HYDIN: variants seen among roughly 807,000 people sequenced by gnomAD.
HYDIN encodes the protein HYDIN axonemal central pair apparatus protein, also known as axonemal central pair apparatus protein HYDIN.
In HYDIN, 132 loss-of-function variants were observed where a neutral mutation model predicts 403.9. The ratio of observed to expected loss-of-function variants is 0.33; its 90% CI spans 0.28 to 0.38. The LOEUF (loss-of-function observed/expected upper bound fraction) is 0.38. HYDIN is among the 10% of genes least tolerant of loss of function. The pLI is 1.00. For synonymous variants in HYDIN, 1,202 were observed against 1,891.7 expected (o/e 0.64, Z 9.46); for missense variants, 2,827 against 5,009.5 (o/e 0.56, Z 13.15).
intron 5 of HYDIN, among the ~76,000 whole-genome samples, chr16:71,167,254 T>C (rs528400972): frequency 6.6e-6 from 1 of 151,980 alleles, no homozygotes; most frequent in African/African-American, 2.4e-5. Flanking sequence ...AAACCCCACA[T>C]AATTCAACAA....
chr16:70,990,274 A>G (rs1431281858), intron 25 of HYDIN, among the ~76,000 whole-genome samples: 1 of 144,686 alleles, frequency 6.9e-6, no homozygotes, highest in Non-Finnish European at 1.5e-5. Flanking sequence ...AAGTGCCTGT[A>G]ATCCCAGCTA....
At chr16:71,093,005 C>A (rs1337233412) in intron 11 of HYDIN, among the ~76,000 whole-genome samples, 21 of 132,668 alleles carry the variant, frequency 1.6e-4, no homozygotes, top group Non-Finnish European at 3.1e-4. Flanking sequence ...GCCTAACTTT[C>A]ACAATTTGGT....
In HYDIN at chr16:70,886,257, A is replaced by G. The variant is rs550844572; in HGVS notation, c.9775-2133T>C. The stretch of plus-strand genomic sequence containing the variant: ...TGTACATGCACCTCAGTTATAGTAC[A>G]CGCACCTCAATTATAGTATTTACCA... On this transcript the variant is annotated intron_variant, in intron 58 of 85. Transcript: ENST00000393567. 2.0e-5 allele frequency among the ~76,000 whole-genome samples: 3 copies of G among 151,772 alleles called. No individual in the cohort carries two copies. In the South Asian group the frequency reaches 6.2e-4, roughly 32 times the overall value.
intron 69 of HYDIN, among the ~76,000 whole-genome samples, chr16:70,861,541 T>TCCA (rs995212477): frequency 8.8e-5 from 13 of 146,966 alleles, no homozygotes; most frequent in Admixed American, 3.4e-4. Context: ...GTCCACCAAC[T>TCCA]CCACCACCAC....
chr16:71,124,155 C>T (rs1433756211), intron 9 of HYDIN, among the ~76,000 whole-genome samples: 1 of 151,446 alleles, frequency 6.6e-6, no homozygotes, highest in East Asian at 2.0e-4. Flanking sequence ...TGTGCAGTGA[C>T]ATCAATGCCC....
chr16:70,979,551 C>T (rs1432960226), intron 29 of HYDIN, among the ~76,000 whole-genome samples: 1 of 152,178 alleles, frequency 6.6e-6, no homozygotes, highest in Non-Finnish European at 1.5e-5. Context: ...GGTAGGTAAT[C>T]GGTGGAGAGA....
intron 54 of HYDIN, among the ~76,000 whole-genome samples, chr16:70,894,933 AGT>A (rs1281616535): frequency 1.3e-5 from 2 of 152,162 alleles, no homozygotes; most frequent in African/African-American, 4.8e-5. Flanking sequence ...ACTCCTCATA[AGT>A]GTGTTCTTTG....
chr16:70,983,868 A>G (rs1245361116), intron 28 of HYDIN, among the ~76,000 whole-genome samples: 3 of 152,080 alleles, frequency 2.0e-5, no homozygotes. Flanking sequence ...AAATAATGAA[A>G]ATCATAATAG....
intron 7 of HYDIN, among the ~76,000 whole-genome samples, chr16:71,139,738 A>T (rs1046298441): frequency 2.6e-5 from 4 of 152,150 alleles, no homozygotes; most frequent in African/African-American, 9.6e-5. Flanking sequence ...AGTGGATAAG[A>T]TACAAGGAAG....
intron 37 of HYDIN, among the ~76,000 whole-genome samples, chr16:70,962,877 C>T (rs980110488): frequency 6.9e-6 from 1 of 145,858 alleles, no homozygotes; most frequent in African/African-American, 2.6e-5. Flanking sequence ...TGATCTATAG[C>T]GTGAGAGCAG....
chr16:70,892,361 C>T lies in HYDIN; in HGVS notation c.9417G>A (p.Gln3139=), dbSNP rs1465160384. 1.9e-6 allele frequency: 3 copies of T among 1,557,468 alleles called. No homozygotes were observed. Among genetic ancestry groups the T allele is most frequent in the Non-Finnish European group, 2.6e-6 (3 of 1,157,260 alleles). The change falls in exon 56 of 86, where the codon CAG becomes CAA. Residue 3139 remains glutamine, a splice_region_variant and synonymous_variant. Coordinates refer to ENST00000393567, the MANE Select transcript of HYDIN (RefSeq NM_001270974.2). The part of the protein sequence containing the change: ...KIEHQPVLRC[Q]IIEPNISEGG... ...GCCCCTCCCTTTGGAGCTCTCTTACCTGACAGCGCAGAACAGGCTGGTGCT... is the reference window on the plus strand; with the variant it reads ...GCCCCTCCCTTTGGAGCTCTCTTACTTGACAGCGCAGAACAGGCTGGTGCT...
chr16:71,118,239 GTCACT>G (rs1237189525), intron 9 of HYDIN, among the ~76,000 whole-genome samples: 1 of 151,648 alleles, frequency 6.6e-6, no homozygotes, highest in African/African-American at 2.4e-5. Flanking sequence ...ACAGTGAATA[GTCACT>G]CAATGTACAT....
At chr16:70,902,811 ATATATATATATTTT>A (rs1220911728) in intron 52 of HYDIN, among the ~76,000 whole-genome samples, 813 of 33,404 alleles carry the variant, frequency 0.024, 17 homozygotes, top group Non-Finnish European at 0.034. Flanking sequence ...ATATATATAT[ATATATATATATTTT>A]TTTTTTTTTT....
intron 45 of HYDIN, among the ~76,000 whole-genome samples, chr16:70,933,350 G>GTT: frequency 6.7e-6 from 1 of 149,818 alleles, no homozygotes; most frequent in South Asian, 2.1e-4. Flanking sequence ...ATAGGGCCAG[G>GTT]AAGAGGTCTG....
rs564263968 is a variant in HYDIN, at chr16:71,189,032, C to A, written c.-23-2114G>T. On this transcript the variant is annotated intron_variant, in intron 1 of 85. Transcript: ENST00000393567. ...ATTAAAGGACAACAAAGTAAAAATT[C>A]ATGAAAGGAAGAAACTACATTATCC... Among the ~76,000 whole-genome samples the A allele has an allele frequency of 1.3e-5, 2 of 152,260 alleles. 1 individual carries two copies. The highest frequency in any genetic ancestry group is 1.3e-4 in the Admixed American group (2 of 15,302).
chr16:70,908,853 C>T lies in HYDIN; in HGVS notation c.8013G>A (p.Glu2671=), dbSNP rs774742133. ...CCCCCTTAGATGAGCTGGTCTGCTC[C>T]TCTTGAGCCTTAATTAAAAACGAGC... The part of the protein sequence containing the change: ...LATTNTTKAQ[E]EQTSSSKGGK... Residue 2671 remains glutamate (E), a synonymous_variant, in exon 48 of 86, where the codon GAG becomes GAA. Transcript: ENST00000393567. 5.6e-6 allele frequency: 9 copies of T among 1,609,452 alleles called. No homozygotes were observed. Among genetic ancestry groups the T allele is most frequent in the African/African-American group, 1.3e-5 (1 of 74,428 alleles).
chr16:71,049,546 GAGAA>G (rs1372564821), intron 18 of HYDIN, among the ~76,000 whole-genome samples: 7 of 152,180 alleles, frequency 4.6e-5, no homozygotes, highest in Non-Finnish European at 7.3e-5. Context: ...CACTGAGAAG[GAGAA>G]AGAAACATCC....
At chr16:71,122,620 G>A (rs1182014377) in intron 9 of HYDIN, among the ~76,000 whole-genome samples, 3 of 74,370 alleles carry the variant, frequency 4.0e-5, no homozygotes, top group Non-Finnish European at 7.5e-5. Flanking sequence ...TGGTTCTGCT[G>A]AGCTCACATG....
Position 71,186,767 on chromosome 16 carries a change from G to T in HYDIN, c.129C>A (p.Asn43Lys). 6.2e-7 allele frequency: 1 copy of T among 1,611,634 alleles called. No individual in the cohort carries two copies. The highest frequency in any genetic ancestry group is 8.5e-7 in the Non-Finnish European group (1 of 1,178,504). Residue 43 changes from asparagine (N) to lysine (K), a missense_variant, in exon 2 of 86, where the codon AAC (asparagine) becomes AAA (lysine). Physicochemically the swap from Asn to Lys is moderately conservative, Grantham distance 94 (BLOSUM62 0). Transcript: ENST00000393567. ...SPKVVTEEEV[N>K]RMLTPSEFLK... ...TAATTCCCGGATACATTACCATTCG[G>T]TTTACTTCTTCTTCTGTAACCACCT...
Sources: gnomAD v4.1 joint callset for allele counts (sites outside exome capture counted in the v4.1 genomes callset) on GRCh38, gnomAD v4.1.1 for gene constraint, MANE v1.5 for transcripts, NCBI Gene and HGNC (gene_info 2026-07-23, HGNC 2026-07-21) for gene names.